Variants in EXOC6B observed in about 807,000 individuals in gnomAD.
The protein encoded by EXOC6B is exocyst complex component 6B.
A neutral mutation model predicts 113.5 loss-of-function variants in EXOC6B; 54 were observed. The observed-to-expected ratio is 0.48, with a 90% CI of 0.38 to 0.60. The LOEUF (loss-of-function observed/expected upper bound fraction) is 0.60. EXOC6B is among the 20% of genes least tolerant of loss of function. EXOC6B has a pLI of 0.00. For synonymous variants in EXOC6B, 357 were observed against 339.0 expected, an observed-to-expected ratio of 1.05 and a Z score of -0.58; for missense variants, 797 against 977.5, an observed-to-expected ratio of 0.82 and a Z score of 2.46.
intron 6 of EXOC6B, among the ~76,000 whole-genome samples, chr2:72,680,971 T>A (rs1676660365): frequency 6.6e-6 from 1 of 152,178 alleles, no homozygotes. Context: ...AGACTGTTCC[T>A]CCTTTAACCT....
At chr2:72,395,907 T>C (rs1339209365) in intron 18 of EXOC6B, among the ~76,000 whole-genome samples, 1 of 152,138 alleles carries the variant, frequency 6.6e-6, no homozygotes, top group Non-Finnish European at 1.5e-5. Context: ...TACCTTATTA[T>C]AAAATATTCC....
intron 20 of EXOC6B, among the ~76,000 whole-genome samples, chr2:72,195,217 T>G (rs1045868675): frequency 2.0e-5 from 3 of 152,166 alleles, no homozygotes; most frequent in African/African-American, 7.2e-5. Flanking sequence ...AGAGGAAGAC[T>G]CCCAAATAAA....
chr2:72,460,479 A>G (rs1437123972), intron 18 of EXOC6B, among the ~76,000 whole-genome samples: 2,177 of 152,136 alleles, frequency 0.014, 47 homozygotes, highest in African/African-American at 0.05. Context: ...GCTAATATCC[A>G]GAATCTACAA....
intron 8 of EXOC6B, among the ~76,000 whole-genome samples, chr2:72,533,879 A>C (rs576974992): frequency 6.6e-6 from 1 of 152,272 alleles, no homozygotes; most frequent in African/African-American, 2.4e-5. Context: ...CAGAAACATC[A>C]ATGATACTAT....
chr2:72,635,221 AAATC>A (rs1672736767), intron 6 of EXOC6B, among the ~76,000 whole-genome samples: 1 of 152,126 alleles, frequency 6.6e-6, no homozygotes, highest in Non-Finnish European at 1.5e-5. Context: ...ACAAAAACAC[AAATC>A]AATTAAATTG....
At chr2:72,481,317 C>T (rs1699076932) in intron 16 of EXOC6B, among the ~76,000 whole-genome samples, 2 of 152,174 alleles carry the variant, frequency 1.3e-5, no homozygotes, top group African/African-American at 4.8e-5. Context: ...CATTCCAAAA[C>T]ATTTTGTATT....
intron 20 of EXOC6B, among the ~76,000 whole-genome samples, chr2:72,268,584 G>A (rs1461159092): frequency 6.6e-6 from 1 of 152,156 alleles, no homozygotes; most frequent in South Asian, 2.1e-4. Flanking sequence ...TCGTTTGGAT[G>A]TGTATCCCCT....
intron 8 of EXOC6B, among the ~76,000 whole-genome samples, chr2:72,529,921 C>G (rs1701913554): frequency 6.6e-6 from 1 of 152,096 alleles, no homozygotes; most frequent in Non-Finnish European, 1.5e-5. Context: ...TAGAGTTGTT[C>G]ACAGTGTTCT....
At chr2:72,671,749 G>GAGAAAGAAAGAA (rs533048065) in intron 6 of EXOC6B, among the ~76,000 whole-genome samples, 45 of 96,588 alleles carry the variant, frequency 4.7e-4, no homozygotes, top group East Asian at 1.1e-3. Context: ...GAGAGAGACA[G>GAGAAAGAAAGAA]AGAAAGAAAG....
intron 21 of EXOC6B, among the ~76,000 whole-genome samples, chr2:72,181,071 T>C (rs1024292546): frequency 1.3e-5 from 2 of 151,868 alleles, no homozygotes; most frequent in African/African-American, 4.8e-5. Context: ...AGGCCGGGTG[T>C]GGTGGCAGGT....
At chr2:72,808,545 G>A (rs981726748) in intron 1 of EXOC6B, among the ~76,000 whole-genome samples, 2 of 152,150 alleles carry the variant, frequency 1.3e-5, no homozygotes, top group African/African-American at 4.8e-5. Context: ...GATGGCTTGA[G>A]CCCAGAAGTT....
At chr2:72,470,784 A>G (rs1367445637) in intron 17 of EXOC6B, among the ~76,000 whole-genome samples, 2 of 138,988 alleles carry the variant, frequency 1.4e-5, no homozygotes, top group Admixed American at 6.8e-5. Context: ...ATGTCCCTAC[A>G]AAGGACATGA....
intron 18 of EXOC6B, among the ~76,000 whole-genome samples, chr2:72,404,896 G>A (rs557082614): frequency 7.0e-4 from 106 of 152,124 alleles, no homozygotes; most frequent in African/African-American, 2.3e-3. Flanking sequence ...GGCTTCAGAC[G>A]ATCAAACTAC....
At chr2:72,498,216 G>C (rs1260615576) in intron 13 of EXOC6B, among the ~76,000 whole-genome samples, 1 of 152,172 alleles carries the variant, frequency 6.6e-6, no homozygotes, top group African/African-American at 2.4e-5. Context: ...AGGCAAAATA[G>C]GGTTTGGGGA....
intron 6 of EXOC6B, among the ~76,000 whole-genome samples, chr2:72,626,218 A>G (rs566764386): frequency 6.6e-6 from 1 of 152,304 alleles, no homozygotes; most frequent in African/African-American, 2.4e-5. Context: ...ACATTCAACA[A>G]TAGAAGTGAA....
At chr2:72,638,281 A>G (rs1187120821) in intron 6 of EXOC6B, among the ~76,000 whole-genome samples, 1 of 152,198 alleles carries the variant, frequency 6.6e-6, no homozygotes, top group Non-Finnish European at 1.5e-5. Flanking sequence ...CCTAGATGCA[A>G]ACAACTTACT....
chr2:72,557,038 T>C (rs1163791515), intron 8 of EXOC6B, among the ~76,000 whole-genome samples: 1 of 151,464 alleles, frequency 6.6e-6, no homozygotes. Context: ...TCTAAAAAGA[T>C]CCACTAGTCT....
chr2:72,367,991 G>A (rs1690745205), intron 19 of EXOC6B, among the ~76,000 whole-genome samples: 1 of 152,120 alleles, frequency 6.6e-6, no homozygotes, highest in South Asian at 2.1e-4. Context: ...GGAACTCTTA[G>A]GCAACTCTTA....
rs559560699 is a variant in EXOC6B, at chr2:72,382,122, G to A, written c.1981-2252C>T. 2.0e-3 allele frequency among the ~76,000 whole-genome samples: 301 copies of A among 152,262 alleles called. 2 individuals carry two copies. Among genetic ancestry groups the A allele is most frequent in the Middle Eastern group, 3.4e-3 (1 of 294 alleles). On this transcript the variant is annotated intron_variant, in intron 18 of 21. Coordinates refer to ENST00000272427, the MANE Select transcript of EXOC6B (RefSeq NM_015189.3). ...GCAAAAACAAATTCTAAAGAGAAAAGTCACATCATAAAAGAAATCCACATT... is the reference window on the plus strand; with the variant it reads ...GCAAAAACAAATTCTAAAGAGAAAAATCACATCATAAAAGAAATCCACATT...
Sources: gnomAD v4.1 joint callset for allele counts (sites outside exome capture counted in the v4.1 genomes callset) on GRCh38, gnomAD v4.1.1 for gene constraint, MANE v1.5 for transcripts, NCBI Gene and HGNC (gene_info 2026-07-23, HGNC 2026-07-21) for gene names.